The following DAAM1 variants were observed in gnomAD, a reference collection of about 807,000 sequenced individuals.
DAAM1 encodes disheveled-associated activator of morphogenesis 1.
Under a neutral mutation model 130.0 loss-of-function variants are expected in DAAM1, and 52 were observed. The observed-to-expected ratio is 0.40, with a 90% CI of 0.32 to 0.50. DAAM1 has a LOEUF of 0.50. Among genes scored for constraint, DAAM1 ranks in the 20% least tolerant of loss-of-function variants. The pLI is 0.61. For synonymous variants in DAAM1, 452 were observed against 444.5 expected (o/e 1.02, Z -0.21); for missense variants, 1,134 against 1,303.8 (o/e 0.87, Z 2.01).
At chr14:59,341,817 C>G (rs562472147) in intron 16 of DAAM1, among the ~76,000 whole-genome samples, 1 of 152,238 alleles carries the variant, frequency 6.6e-6, no homozygotes, top group African/African-American at 2.4e-5. Flanking sequence ...GAATTTCTCT[C>G]TATATTTTAT....
intron 3 of DAAM1, chr14:59,299,768 T>C (rs1458178792): frequency 6.6e-6 from 1 of 152,114 alleles, no homozygotes; most frequent in Non-Finnish European, 1.5e-5. Flanking sequence ...CAAAATGCAG[T>C]CTGTTGGCTT....
At chr14:59,225,019 G>GGTTTTTTT (rs1566656869) in intron 1 of DAAM1, among the ~76,000 whole-genome samples, 2 of 90,784 alleles carry the variant, frequency 2.2e-5, no homozygotes, top group African/African-American at 4.7e-5. Context: ...ATCTGTGTGG[G>GGTTTTTTT]TTTTTTTTTT....
intron 16 of DAAM1, among the ~76,000 whole-genome samples, chr14:59,342,601 AT>A (rs1362894331): frequency 6.6e-6 from 1 of 152,140 alleles, no homozygotes; most frequent in Non-Finnish European, 1.5e-5. Flanking sequence ...ACTTTGGAGC[AT>A]TTTTTTGCCC....
In DAAM1 at chr14:59,261,222, C is replaced by T. The variant is rs1247584613; in HGVS notation, c.-37-2219C>T. ...CTGTTTTCCATATTCTGTCAAAACT[C>T]CACTCATCCATCAGGGACCACCCCC... On this transcript the variant is annotated intron_variant, in intron 1 of 24. Transcript: ENST00000360909. Among the ~76,000 whole-genome samples the T allele has an allele frequency of 3.3e-5, 5 of 152,284 alleles. No homozygotes were observed. The East Asian group carries it at 9.7e-4, about 29-fold the overall frequency.
intron 19 of DAAM1, among the ~76,000 whole-genome samples, chr14:59,354,800 AC>A (rs146807665): frequency 0.045 from 6,815 of 152,164 alleles, 208 homozygotes; most frequent in Non-Finnish European, 0.054. Context: ...ATTGATCAAT[AC>A]TCCTGTTAAC....
intron 1 of DAAM1, among the ~76,000 whole-genome samples, chr14:59,198,881 C>G (rs1888004050): frequency 6.6e-6 from 1 of 152,220 alleles, no homozygotes; most frequent in African/African-American, 2.4e-5. Context: ...CTTTCCGGAC[C>G]TCTCTTTCCT....
intron 1 of DAAM1, among the ~76,000 whole-genome samples, chr14:59,199,431 G>A (rs1267721135): frequency 1.3e-5 from 2 of 152,146 alleles, no homozygotes; most frequent in African/African-American, 2.4e-5. Context: ...TGACCACCAG[G>A]GGGTCCACAG....
chr14:59,257,609 G>C (rs1435690653), intron 1 of DAAM1, among the ~76,000 whole-genome samples: 1 of 152,216 alleles, frequency 6.6e-6, no homozygotes, highest in Non-Finnish European at 1.5e-5. Flanking sequence ...ACGTGCCTGC[G>C]TATGAGGCAT....
At chr14:59,221,137 A>G (rs1057077392) in intron 1 of DAAM1, among the ~76,000 whole-genome samples, 1 of 152,228 alleles carries the variant, frequency 6.6e-6, no homozygotes, top group Non-Finnish European at 1.5e-5. Context: ...CCTGTGTACA[A>G]CTGAAAGTGC....
At chr14:59,276,263 A>G (rs2139532073) in intron 2 of DAAM1, among the ~76,000 whole-genome samples, 1 of 152,196 alleles carries the variant, frequency 6.6e-6, no homozygotes, top group African/African-American at 2.4e-5. Flanking sequence ...TTAATAGTAC[A>G]TTTTCTCCAT....
intron 1 of DAAM1, among the ~76,000 whole-genome samples, chr14:59,198,528 C>T (rs1887986566): frequency 6.6e-6 from 1 of 151,298 alleles, no homozygotes; most frequent in South Asian, 2.1e-4. Context: ...CGTGCCTGGC[C>T]CCATTTGCTG....
intron 1 of DAAM1, among the ~76,000 whole-genome samples, chr14:59,255,425 G>A (rs1173318434): frequency 1.3e-5 from 2 of 152,104 alleles, no homozygotes; most frequent in East Asian, 1.9e-4. Context: ...TTGGCATCTG[G>A]TGTATTTGGG....
intron 1 of DAAM1, among the ~76,000 whole-genome samples, chr14:59,213,162 A>C (rs1888478690): frequency 6.6e-6 from 1 of 152,046 alleles, no homozygotes; most frequent in Non-Finnish European, 1.5e-5. Flanking sequence ...TTTTGTATTC[A>C]GGGGAACTTG....
chr14:59,231,541 T>A (rs1889106467), intron 1 of DAAM1, among the ~76,000 whole-genome samples: 1 of 152,148 alleles, frequency 6.6e-6, no homozygotes, highest in Non-Finnish European at 1.5e-5. Context: ...GGGAAGTATT[T>A]TGTTTAGTGA....
intron 16 of DAAM1, among the ~76,000 whole-genome samples, chr14:59,345,972 A>G (rs1413956378): frequency 6.6e-6 from 1 of 152,226 alleles, no homozygotes; most frequent in Non-Finnish European, 1.5e-5. Flanking sequence ...CATTAAGGAT[A>G]CAAAGGTACT....
chr14:59,231,978 T>C (rs1889123442), intron 1 of DAAM1, among the ~76,000 whole-genome samples: 1 of 152,178 alleles, frequency 6.6e-6, no homozygotes, highest in Admixed American at 6.5e-5. Context: ...ATATACTATT[T>C]GTTGAGAACT....
Position 59,331,514 on chromosome 14 carries a change from C to A in DAAM1, c.1860+6C>A, listed in dbSNP as rs1436374910. 2.5e-6 allele frequency: 4 copies of A among 1,571,424 alleles called. No individual in the cohort carries two copies. The highest frequency in any genetic ancestry group is 1.8e-4 in the Middle Eastern group (1 of 5,598). Reference sequence around the variant, plus strand: ...ACTGGTCTAAACTGCCCGAGGTGAGCCATTTGTTCCAGTTTTCCCTTTAAT... The same window carrying A: ...ACTGGTCTAAACTGCCCGAGGTGAGACATTTGTTCCAGTTTTCCCTTTAAT... On this transcript the variant is annotated splice_donor_region_variant and intron_variant, in intron 14 of 24. Coordinates refer to ENST00000360909, the MANE Select transcript of DAAM1 (RefSeq NM_001270520.2).
At chr14:59,363,398 G>A (rs777930272) in intron 22 of DAAM1, 5 of 343,770 alleles carry the variant, frequency 1.5e-5, no homozygotes, top group Admixed American at 9.0e-5. Flanking sequence ...GCCTGAAAGA[G>A]AAATCACATA....
At chr14:59,193,864 C>T (rs755830721) in intron 1 of DAAM1, among the ~76,000 whole-genome samples, 27 of 152,210 alleles carry the variant, frequency 1.8e-4, no homozygotes, top group Non-Finnish European at 3.2e-4. Flanking sequence ...CTCCTTAAAG[C>T]ACTTAGCTTG....
Sources: allele counts gnomAD v4.1 joint callset (sites outside exome capture counted in the v4.1 genomes callset), GRCh38; gene constraint gnomAD v4.1.1; transcripts MANE v1.5; gene names NCBI Gene and HGNC (gene_info 2026-07-23, HGNC 2026-07-21).